Variants in PGPEP1L observed in about 807,000 individuals in gnomAD.
The protein encoded by PGPEP1L is pyroglutamyl-peptidase I like, also known as pyroglutamyl-peptidase 1-like protein.
PGPEP1L carries 7 observed loss-of-function variants against 6.0 expected under a neutral mutation model. That is an observed-to-expected ratio of 1.17 (90% CI 0.66 to 2.19). PGPEP1L has a LOEUF of 2.19. PGPEP1L is among the 30% of genes most tolerant of loss of function. The pLI is 0.00. For missense variants in PGPEP1L, 209 were observed against 192.5 expected (o/e 1.09, Z -0.51); for synonymous variants, 103 against 83.9 (o/e 1.23, Z -1.24).
chr15:98,979,301 T>C (rs533987586), intron 2 of PGPEP1L, among the ~76,000 whole-genome samples: 1 of 149,172 alleles, frequency 6.7e-6, no homozygotes, highest in African/African-American at 2.5e-5. Context: ...GCCTGTGAGA[T>C]TCATCTGATT....
rs530524593 is a variant in PGPEP1L at position 98,983,342 on chromosome 15, G to T, written c.-141-12184C>A. Reference sequence around the variant, plus strand: ...TTATTATTATTATTTAAAGCAACATGTAAGAAAGGCACCAGGCCACCTCAT... The same window carrying T: ...TTATTATTATTATTTAAAGCAACATTTAAGAAAGGCACCAGGCCACCTCAT... On this transcript the variant is annotated intron_variant, in intron 2 of 4. Coordinates refer to ENST00000535714, the MANE Select transcript of PGPEP1L (RefSeq NM_001167902.2). Among the ~76,000 whole-genome samples, 200 of 152,130 alleles carry T rather than the reference G, an allele frequency of 1.3e-3. 1 individual carries two copies. The highest frequency in any genetic ancestry group is 4.6e-3 in the African/African-American group (189 of 41,508).
At chr15:98,976,807 T>C (rs2017576485) in intron 2 of PGPEP1L, among the ~76,000 whole-genome samples, 1 of 152,172 alleles carries the variant, frequency 6.6e-6, no homozygotes, top group Non-Finnish European at 1.5e-5. Flanking sequence ...ATGAAAATTT[T>C]AGTGGAGATA....
rs1250981910 is a variant in PGPEP1L at position 98,990,932 on chromosome 15, C to T, written c.-142+14497G>A. ...GAAACCAATGAGAACAAAGATACAA[C>T]GTACCAGAATCTCTGGGACACATTT... is the stretch of plus-strand genomic sequence containing the variant. On this transcript the variant is annotated intron_variant, in intron 2 of 4. Transcript: ENST00000535714. Among the ~76,000 whole-genome samples, 13 of 152,264 alleles carry T rather than the reference C, an allele frequency of 8.5e-5. No individual in the cohort carries two copies. In the East Asian group the frequency reaches 1.2e-3, roughly 14 times the overall value.
At chr15:98,980,302 C>T (rs1362231815) in intron 2 of PGPEP1L, among the ~76,000 whole-genome samples, 5 of 151,952 alleles carry the variant, frequency 3.3e-5, no homozygotes, top group Admixed American at 6.6e-5. Flanking sequence ...GAAACCTGAA[C>T]GATCAGGGAG....
chr15:99,003,970 T>C (rs572416728), intron 2 of PGPEP1L, among the ~76,000 whole-genome samples: 8 of 148,680 alleles, frequency 5.4e-5, no homozygotes, highest in Non-Finnish European at 1.0e-4. Flanking sequence ...AAAGAACTTT[T>C]TCTCTGAAGG....
At chr15:98,981,419 G>A (rs896475332) in intron 2 of PGPEP1L, among the ~76,000 whole-genome samples, 8 of 151,334 alleles carry the variant, frequency 5.3e-5, no homozygotes, top group East Asian at 3.9e-4. Flanking sequence ...GAACCCGGGA[G>A]GCAGAGCTTG....
In PGPEP1L at chr15:98,968,667, A is replaced by G. The variant is rs1344084154; in HGVS notation, c.240T>C (p.Ser80=). 6.3e-7 allele frequency: 1 copy of G among 1,583,982 alleles called. No individual in the cohort carries two copies. Among genetic ancestry groups the G allele is most frequent in the Non-Finnish European group, 8.6e-7 (1 of 1,164,604 alleles). The change falls in exon 5 of 5, where the codon TCT becomes TCC. Residue 80 remains serine (S), a synonymous_variant. Transcript: ENST00000535714. ...CCGCGCAGCCCTTTCCATGATGCAG[A>G]GACAGGTAATAGGTATAATCACAGA... ...RYVCDYTYYL[S]LHHGKGCAAL... is the part of the protein sequence containing the mutation.
chr15:98,994,560 T>A (rs1311874311), intron 2 of PGPEP1L, among the ~76,000 whole-genome samples: 1 of 152,040 alleles, frequency 6.6e-6, no homozygotes. Flanking sequence ...CATTCCAGCC[T>A]GGGCAATTGG....
intron 2 of PGPEP1L, among the ~76,000 whole-genome samples, chr15:98,991,591 TA>T (rs1169480733): frequency 6.6e-6 from 1 of 152,170 alleles, no homozygotes; most frequent in African/African-American, 2.4e-5. Context: ...GAATCCTCCC[TA>T]ACTCATTTTA....
At chr15:99,007,060 G>C (rs375222299) in intron 1 of PGPEP1L, among the ~76,000 whole-genome samples, 1 of 152,164 alleles carries the variant, frequency 6.6e-6, no homozygotes, top group Non-Finnish European at 1.5e-5. Context: ...CCGCGGATTA[G>C]ACCCCCCTTG....
rs184334765 is a variant in PGPEP1L at position 99,006,665 on chromosome 15, A to G, written c.-370+694T>C. On this transcript the variant is annotated intron_variant, in intron 1 of 4. Coordinates refer to ENST00000535714, the MANE Select transcript of PGPEP1L (RefSeq NM_001167902.2). ...GCAACGTGGCAAGACTGCATCAATT[A>G]TTTTTTTCAAAACGTGGTATATGCC... Among the ~76,000 whole-genome samples, 276 of 152,184 alleles carry G rather than the reference A, an allele frequency of 1.8e-3. 2 individuals are homozygous for G. The highest frequency in any genetic ancestry group is 5.8e-3 in the African/African-American group (241 of 41,556).
At chr15:98,982,133 A>G (rs983757533) in intron 2 of PGPEP1L, among the ~76,000 whole-genome samples, 1 of 152,224 alleles carries the variant, frequency 6.6e-6, no homozygotes, top group African/African-American at 2.4e-5. Context: ...TTGAGCGTTT[A>G]CTAGGAGCAC....
chr15:99,002,615 C>G (rs72754828), intron 2 of PGPEP1L, among the ~76,000 whole-genome samples: 14,935 of 151,854 alleles, frequency 0.098, 839 homozygotes, highest in African/African-American at 0.13. Context: ...CAGGGAACCT[C>G]TGTACACTTC....
At chr15:99,002,185 G>A (rs542028440) in intron 2 of PGPEP1L, among the ~76,000 whole-genome samples, 1 of 152,034 alleles carries the variant, frequency 6.6e-6, no homozygotes, top group East Asian at 1.9e-4. Context: ...TTAATTTTTT[G>A]TATTTTTGCC....
At chr15:98,971,234 C>T in intron 2 of PGPEP1L, 76 bp from the exon 3 acceptor site, 1 of 1,454,696 alleles carries the variant, frequency 6.9e-7, no homozygotes, top group East Asian at 2.5e-5. Flanking sequence ...TCCCTGAAAA[C>T]CCAATCCTTG....
intron 2 of PGPEP1L, among the ~76,000 whole-genome samples, chr15:98,975,977 G>A (rs1031145266): frequency 6.6e-6 from 1 of 152,014 alleles, no homozygotes; most frequent in African/African-American, 2.4e-5. Context: ...TTAAAAAAAA[G>A]ACAAATGTGT....
At chr15:98,997,355 T>C (rs1162964499) in intron 2 of PGPEP1L, among the ~76,000 whole-genome samples, 3 of 152,212 alleles carry the variant, frequency 2.0e-5, no homozygotes, top group African/African-American at 7.2e-5. Flanking sequence ...AAATGCATGG[T>C]GCAAGGGGTT....
At position 98,993,948 on chromosome 15, in the gene PGPEP1L, T is replaced by C. The variant is rs149608324; in HGVS notation, c.-142+11481A>G. 1.3e-3 allele frequency among the ~76,000 whole-genome samples: 195 copies of C among 152,308 alleles called. 4 individuals carry two copies. In the East Asian group the frequency reaches 0.025, roughly 19 times the overall value. Reference sequence around the variant, plus strand: ...AGTCTAAAGCTGATATCTGGATGCCTGTCCTGTAGAATACAAGGACCTTAA... The same window carrying C: ...AGTCTAAAGCTGATATCTGGATGCCCGTCCTGTAGAATACAAGGACCTTAA... On this transcript the variant is annotated intron_variant, in intron 2 of 4. Coordinates refer to ENST00000535714, the MANE Select transcript of PGPEP1L (RefSeq NM_001167902.2).
intron 2 of PGPEP1L, among the ~76,000 whole-genome samples, chr15:98,993,815 AG>A (rs1419886585): frequency 4.7e-5 from 7 of 148,686 alleles, no homozygotes; most frequent in African/African-American, 1.7e-4. Context: ...CAGAACTTAA[AG>A]TATAATAAAA....
Sources: gnomAD v4.1 joint callset for allele counts (sites outside exome capture counted in the v4.1 genomes callset) on GRCh38, gnomAD v4.1.1 for gene constraint, MANE v1.5 for transcripts, NCBI Gene and HGNC (gene_info 2026-07-23, HGNC 2026-07-21) for gene names.